Variants in NSUN6 observed in about 807,000 individuals in gnomAD.
The protein encoded by NSUN6 is tRNA (cytosine(72)-C(5))-methyltransferase NSUN6.
A neutral mutation model predicts 58.0 loss-of-function variants in NSUN6; 64 were observed. The ratio of observed to expected loss-of-function variants is 1.10; its 90% confidence interval spans 0.90 to 1.36. The LOEUF (loss-of-function observed/expected upper bound fraction) is 1.36. Ranked by LOEUF, NSUN6 falls within the 40% of genes most tolerant of loss-of-function variation. NSUN6 has a pLI of 0.00. For missense variants in NSUN6, 701 were observed against 550.1 expected (o/e 1.27, Z -2.74); for synonymous variants, 231 against 193.9 (o/e 1.19, Z -1.59).
rs552595338 is a variant in NSUN6, at chr10:18,560,194, AAAATGGAATG to A, written c.923-8233_923-8224del. On this transcript the variant is annotated intron_variant, in intron 8 of 10. Transcript: ENST00000377304. The stretch of plus-strand genomic sequence containing the variant: ...TGGAATGGAGAATGAACTGGAATGG[AAAATGGAATG>A]GAATGGAGAATGGTATGGAATGGAA... Among the ~76,000 whole-genome samples, 574 of 151,072 alleles carry A rather than the reference AAAATGGAATG, an allele frequency of 3.8e-3. 4 individuals carry two copies. Among genetic ancestry groups the A allele is most frequent in the African/African-American group, 0.013 (523 of 41,260 alleles).
At chr10:18,649,187 CAAAT>C (rs2059634404) in intron 1 of NSUN6, among the ~76,000 whole-genome samples, 1 of 152,126 alleles carries the variant, frequency 6.6e-6, no homozygotes, top group African/African-American at 2.4e-5. Flanking sequence ...TTAAATGTAA[CAAAT>C]ATATATTATC....
At chr10:18,648,074 T>A (rs189700565) in intron 2 of NSUN6, among the ~76,000 whole-genome samples, 1 of 152,282 alleles carries the variant, frequency 6.6e-6, no homozygotes, top group Admixed American at 6.5e-5. Context: ...AACAATATAA[T>A]CTCACAGGTA....
intron 8 of NSUN6, among the ~76,000 whole-genome samples, chr10:18,579,458 C>T (rs753452246): frequency 1.3e-5 from 2 of 152,208 alleles, no homozygotes; most frequent in African/African-American, 4.8e-5. Flanking sequence ...GCGTGAGCCA[C>T]GTCGCCCGGC....
At chr10:18,634,179 T>C (rs2059133996) in intron 3 of NSUN6, among the ~76,000 whole-genome samples, 1 of 151,736 alleles carries the variant, frequency 6.6e-6, no homozygotes. Flanking sequence ...AAAGGAAAAA[T>C]ATTTCAAGTA....
At chr10:18,584,998 A>T (rs1288075647) in intron 8 of NSUN6, among the ~76,000 whole-genome samples, 2 of 6,280 alleles carry the variant, frequency 3.2e-4, no homozygotes, top group East Asian at 0.1. Flanking sequence ...GAGACCTATT[A>T]AAAAAAAAAA....
chr10:18,598,430 C>A (rs938520183), intron 6 of NSUN6, among the ~76,000 whole-genome samples: 3 of 152,188 alleles, frequency 2.0e-5, no homozygotes, highest in Non-Finnish European at 4.4e-5. Context: ...TATAGTTTAT[C>A]CAGCAAGCTC....
At chr10:18,566,786 C>T (rs1307605882) in intron 8 of NSUN6, among the ~76,000 whole-genome samples, 1 of 149,804 alleles carries the variant, frequency 6.7e-6, no homozygotes, top group Non-Finnish European at 1.5e-5. Flanking sequence ...CATTCCATTA[C>T]CCATTCCCTT....
intron 8 of NSUN6, among the ~76,000 whole-genome samples, chr10:18,566,456 GCATTC>G (rs1285484240): frequency 7.7e-6 from 1 of 129,494 alleles, no homozygotes; most frequent in South Asian, 2.5e-4. Context: ...ATTCCATTCT[GCATTC>G]CATTCCATTC....
chr10:18,560,436 T>A lies in NSUN6; in HGVS notation c.923-8465A>T, dbSNP rs1326302388. Among the ~76,000 whole-genome samples the A allele has an allele frequency of 2.8e-5, 4 of 143,384 alleles. No homozygotes were observed. In the East Asian group the frequency reaches 8.5e-4, roughly 31 times the overall value. The allele number at this position is 143,384 out of a possible 152,430, so 94.1% of individuals were successfully genotyped here. On this transcript the variant is annotated intron_variant, in intron 8 of 10. Coordinates refer to ENST00000377304, the MANE Select transcript of NSUN6 (RefSeq NM_182543.5). ...GGGCAACGGAACAGAAAATGGAGAA[T>A]GGAGAATAGAATGGCATGCACTGGT...
chr10:18,634,365 G>T (rs1410678496), intron 3 of NSUN6, among the ~76,000 whole-genome samples: 3 of 152,114 alleles, frequency 2.0e-5, no homozygotes, highest in African/African-American at 7.2e-5. Flanking sequence ...CCCCATTTTA[G>T]AGACAAGAAA....
Position 18,596,223 on chromosome 10 carries a change from T to G in NSUN6, c.762A>C (p.Ala254=), listed in dbSNP as rs1358296975. 3.7e-6 allele frequency: 6 copies of G among 1,611,714 alleles called. No homozygotes were observed. Among genetic ancestry groups the G allele is most frequent in the Non-Finnish European group, 5.1e-6 (6 of 1,177,886 alleles). ...APGGKTTHIA[A]LMHDQGEVIA... is the part of the protein sequence containing the mutation. ...ACAGTCTCACCTGATCATGCATTAGTGCTGCAATGTGTGTTGTTTTCCCTC... is the reference window on the plus strand; with the variant it reads ...ACAGTCTCACCTGATCATGCATTAGGGCTGCAATGTGTGTTGTTTTCCCTC... The change falls in exon 7 of 11, where the codon GCA becomes GCC. Residue 254 remains alanine (A), a synonymous_variant. Transcript: ENST00000377304.
At chr10:18,645,551 A>T (rs2059522194) in intron 2 of NSUN6, among the ~76,000 whole-genome samples, 1 of 152,204 alleles carries the variant, frequency 6.6e-6, no homozygotes, top group Admixed American at 6.5e-5. Context: ...AGCATGTATC[A>T]GTTCATTCTA....
intron 3 of NSUN6, among the ~76,000 whole-genome samples, chr10:18,640,315 A>G (rs1407567699): frequency 1.3e-5 from 2 of 152,204 alleles, no homozygotes; most frequent in Non-Finnish European, 2.9e-5. Flanking sequence ...GTGGGACAGG[A>G]GATGTAACAG....
chr10:18,617,298 A>G (rs556579267), intron 3 of NSUN6, among the ~76,000 whole-genome samples: 1 of 148,714 alleles, frequency 6.7e-6, no homozygotes, highest in Non-Finnish European at 1.5e-5. Context: ...AGTGATTCTC[A>G]TGCCTCAGCC....
At chr10:18,560,791 T>C (rs971264969) in intron 8 of NSUN6, among the ~76,000 whole-genome samples, 1 of 144,952 alleles carries the variant, frequency 6.9e-6, no homozygotes, top group Non-Finnish European at 1.5e-5. Context: ...GAGAATGGAA[T>C]GGTATGGAGA....
At chr10:18,643,439 A>G (rs1452655250) in intron 2 of NSUN6, among the ~76,000 whole-genome samples, 1 of 152,138 alleles carries the variant, frequency 6.6e-6, no homozygotes, top group Non-Finnish European at 1.5e-5. Context: ...ACCACAATGC[A>G]TGTTTGCATT....
chr10:18,627,602 G>A (rs1255361747), intron 3 of NSUN6, among the ~76,000 whole-genome samples: 2 of 152,224 alleles, frequency 1.3e-5, no homozygotes, highest in Non-Finnish European at 2.9e-5. Flanking sequence ...CACTCGGGAA[G>A]CACAAGGGGT....
At chr10:18,646,191 T>C (rs1341431598) in intron 2 of NSUN6, among the ~76,000 whole-genome samples, 1 of 152,086 alleles carries the variant, frequency 6.6e-6, no homozygotes, top group Non-Finnish European at 1.5e-5. Flanking sequence ...CGAGACTCCA[T>C]CTAAAAAATA....
At chr10:18,604,314 A>G (rs2057965342) in intron 6 of NSUN6, among the ~76,000 whole-genome samples, 2 of 152,212 alleles carry the variant, frequency 1.3e-5, no homozygotes, top group Admixed American at 6.5e-5. Context: ...AGTTTCCACA[A>G]TACACATTTA....
Sources: allele counts gnomAD v4.1 joint callset (sites outside exome capture counted in the v4.1 genomes callset), GRCh38; gene constraint gnomAD v4.1.1; transcripts MANE v1.5; gene names NCBI Gene and HGNC (gene_info 2026-07-23, HGNC 2026-07-21).